ZNF551: variants seen among roughly 807,000 people sequenced by gnomAD.
ZNF551 encodes the protein zinc finger protein 551, also known as KOX 23 protein (56 AA).
Under a neutral mutation model 7.9 loss-of-function variants are expected in ZNF551, and 5 were observed. The ratio of observed to expected loss-of-function variants is 0.63; its 90% CI spans 0.33 to 1.33. The LOEUF (loss-of-function observed/expected upper bound fraction) is 1.33, where lower values mean the gene tolerates loss of function less well. Among genes scored for constraint, ZNF551 ranks in the 40% most tolerant of loss-of-function variants. The pLI, the probability that ZNF551 is intolerant of heterozygous loss-of-function variation, is 0.05. For missense variants in ZNF551, 788 were observed against 825.2 expected (o/e 0.95, Z 0.55); for synonymous variants, 287 against 277.3 (o/e 1.03, Z -0.35).
At chr19:57,683,837 C>A (rs143004540) in intron 1 of ZNF551, among the ~76,000 whole-genome samples, 1 of 152,098 alleles carries the variant, frequency 6.6e-6, no homozygotes, top group Non-Finnish European at 1.5e-5. Context: ...AGGAGTTAGA[C>A]AGGATGATGC....
chr19:57,683,794 G>C (rs1314512734), intron 1 of ZNF551, among the ~76,000 whole-genome samples: 2 of 152,098 alleles, frequency 1.3e-5, no homozygotes, highest in African/African-American at 4.8e-5. Context: ...GGCTTCTCAG[G>C]GGTGAGTAGA....
chr19:57,684,619 C>CA (rs1390621310), intron 1 of ZNF551, among the ~76,000 whole-genome samples: 1 of 152,108 alleles, frequency 6.6e-6, no homozygotes, highest in Non-Finnish European at 1.5e-5. Flanking sequence ...GCATTAGTGT[C>CA]ACCAGGCCCT....
In ZNF551 at chr19:57,685,509, A is replaced by G. The variant is rs1204917367; in HGVS notation, c.205+124A>G. On this transcript the variant is annotated intron_variant, in intron 2 of 2. Coordinates refer to ENST00000282296, the MANE Select transcript of ZNF551 (RefSeq NM_138347.5). ...TTCTTGTCTTCCCCCTGTCAGGATGACTGTGTACAGATTCATGGTACCTTG... is the reference window on the plus strand; with the variant it reads ...TTCTTGTCTTCCCCCTGTCAGGATGGCTGTGTACAGATTCATGGTACCTTG... The G allele has an allele frequency of 1.4e-5, 21 of 1,467,766 alleles. No individual in the cohort carries two copies. In the East Asian group the frequency reaches 4.8e-4, roughly 33 times the overall value. 90.9% of individuals were successfully genotyped at this position (1,467,766 alleles called of 1,614,324 possible).
chr19:57,685,440 C>T (rs775055018), intron 2 of ZNF551, 55 bp downstream of exon 2: 2 of 1,613,026 alleles, frequency 1.2e-6, no homozygotes, highest in Non-Finnish European at 1.7e-6. Flanking sequence ...CCCAGAGTTA[C>T]CTCTGTCTCA....
intron 1 of ZNF551, 25 bp from the exon 2 acceptor site, chr19:57,685,237 G>T: frequency 6.2e-7 from 1 of 1,612,734 alleles, no homozygotes; most frequent in Non-Finnish European, 8.5e-7. Flanking sequence ...TCTGATCGTG[G>T]ATTGAACTAT....
rs937027467 is a variant in ZNF551 at position 57,690,243 on chromosome 19, T to G, written c.*1955T>G. On this transcript the variant is annotated 3_prime_UTR_variant, in exon 3 of 3. Coordinates refer to ENST00000282296, the MANE Select transcript of ZNF551 (RefSeq NM_138347.5). ...CCATCATTACAACCATAAAAATGAATTTGTGTGTCACCCATATATTTACCT... is the reference window on the plus strand; with the variant it reads ...CCATCATTACAACCATAAAAATGAAGTTGTGTGTCACCCATATATTTACCT... 14 of 152,210 alleles carry G rather than the reference T, an allele frequency of 9.2e-5. No individual in the cohort carries two copies. Among genetic ancestry groups the G allele is most frequent in the African/African-American group, 3.1e-4 (13 of 41,440 alleles). 9.4% of individuals were successfully genotyped at this position (152,210 alleles called of 1,614,324 possible).
At position 57,687,580 on chromosome 19, in the gene ZNF551, T is replaced by C; in HGVS notation, c.1305T>C (p.Ile435=). Residue 435 remains isoleucine (I), a synonymous_variant, in exon 3 of 3, where the codon ATT becomes ATC. Transcript: ENST00000282296. ...CTTTTAGCTGCAAATCGGAACTCATTCAACACCAGAGAATTCACAGTGGAG... is the reference window on the plus strand; with the variant it reads ...CTTTTAGCTGCAAATCGGAACTCATCCAACACCAGAGAATTCACAGTGGAG... ...GKSFSCKSEL[I]QHQRIHSGER... 6.2e-7 allele frequency: 1 copy of C among 1,614,218 alleles called. No homozygotes were observed. The highest frequency in any genetic ancestry group is 8.5e-7 in the Non-Finnish European group (1 of 1,180,034).
chr19:57,684,542 C>T (rs76762407), intron 1 of ZNF551, among the ~76,000 whole-genome samples: 5 of 152,214 alleles, frequency 3.3e-5, no homozygotes, highest in African/African-American at 1.2e-4. Context: ...AGCTTAGATA[C>T]TTGCCCACCT....
chr19:57,690,387 ACACACAC>A lies in ZNF551; in HGVS notation c.*2100_*2106del, dbSNP rs1984723491. On this transcript the variant is annotated 3_prime_UTR_variant, in exon 3 of 3. Coordinates refer to ENST00000282296, the MANE Select transcript of ZNF551 (RefSeq NM_138347.5). ...CTGAGATACATACACACACACACAC[ACACACAC>A]ACACACACGTATACGCATATACGTA... The A allele has an allele frequency of 2.0e-5, 3 of 151,862 alleles. No individual in the cohort carries two copies. Among genetic ancestry groups the A allele is most frequent in the African/African-American group, 7.3e-5 (3 of 41,302 alleles). The allele number at this position is 151,862 out of a possible 1,614,324, so 9.4% of individuals were successfully genotyped here.
rs1984573533 is a variant in ZNF551, at chr19:57,686,860, A to G, written c.585A>G (p.Gln195=). The G allele has an allele frequency of 6.2e-7, 1 of 1,614,046 alleles. No individual in the cohort carries two copies. Among genetic ancestry groups the G allele is most frequent in the Non-Finnish European group, 8.5e-7 (1 of 1,180,028 alleles). ...TCCCAGCCCCCACGGACCTACTCCA[A>G]CACGAAGCCACTCCCAGTGGTGAGG... ...EAFPAPTDLL[Q]HEATPSGEEP... Residue 195 remains glutamine, a synonymous_variant, in exon 3 of 3, where the codon CAA becomes CAG. Transcript: ENST00000282296.
chr19:57,682,586 A>G (rs531362049), intron 1 of ZNF551, among the ~76,000 whole-genome samples: 3 of 152,344 alleles, frequency 2.0e-5, no homozygotes, highest in African/African-American at 7.2e-5. Flanking sequence ...AGATAGGGAC[A>G]CTGGGCTAGG....
At position 57,689,361 on chromosome 19, in the gene ZNF551, C is replaced by G. The variant is rs184225573; in HGVS notation, c.*1073C>G. ...TTCAACAGTAATTGGGACAGAAACT[C>G]CAGGTAAATGGGGAGTGGAGAAGAC... On this transcript the variant is annotated 3_prime_UTR_variant, in exon 3 of 3. Transcript: ENST00000282296. 6.6e-6 allele frequency: 1 copy of G among 152,090 alleles called. No individual in the cohort carries two copies. The allele number at this position is 152,090 out of a possible 1,614,324, so 9.4% of individuals were successfully genotyped here. A position where few individuals can be genotyped will look rare whatever the true frequency, so the allele number is the denominator to read the frequency against.
rs149698019 is a variant in ZNF551, at chr19:57,686,364, C to T, written c.206-117C>T. 2.4e-5 allele frequency: 33 copies of T among 1,393,504 alleles called. No individual in the cohort carries two copies. The African/African-American group carries it at 3.2e-4, about 13-fold the overall frequency. 86.3% of individuals were successfully genotyped at this position (1,393,504 alleles called of 1,614,324 possible). On this transcript the variant is annotated intron_variant, in intron 2 of 2. Transcript: ENST00000282296. ...AAACCAGCCTATTCCTCCCCAGTTC[C>T]GTTGTTCTCAGAACAGTTCCATGCA...
intron 2 of ZNF551, 48 bp from the exon 3 acceptor site, chr19:57,686,433 C>T: frequency 6.3e-6 from 10 of 1,580,236 alleles, no homozygotes; most frequent in Non-Finnish European, 8.6e-6. Context: ...CATCTTTCTC[C>T]TTCCATGAAA....
chr19:57,687,960 G>A lies in ZNF551; in HGVS notation c.1685G>A (p.Ser562Asn), dbSNP rs756632002. 6 of 1,614,044 alleles carry A rather than the reference G, an allele frequency of 3.7e-6. No homozygotes were observed. In the East Asian group the frequency reaches 8.9e-5, roughly 24 times the overall value. Residue 562 changes from serine to asparagine, a missense_variant, in exon 3 of 3, where the codon AGT becomes AAT. Ser to Asn is a conservative substitution (Grantham distance 46, BLOSUM62 1). Transcript: ENST00000282296. ...ACTGGAGAAAGGCCTTATGAATGTA[G>A]TGAATGTGGAAAGTCTTTTAGCCAA... Reference protein sequence around the residue: ...LHTGERPYECSECGKSFSQSA... With the variant: ...LHTGERPYECNECGKSFSQSA...
chr19:57,687,691 T>TA lies in ZNF551; in HGVS notation c.1417dup (p.Arg473LysfsTer4). The TA allele has an allele frequency of 6.2e-7, 1 of 1,613,580 alleles. No individual in the cohort carries two copies. Among genetic ancestry groups the TA allele is most frequent in the Non-Finnish European group, 8.5e-7 (1 of 1,179,888 alleles). On this transcript the variant is annotated frameshift_variant, in exon 3 of 3. Transcript: ENST00000282296. LOFTEE classifies it low-confidence loss of function (END_TRUNC). ...GACACCGCAGCATTCACACTGGTGA[T>TA]AGGCCTTATGAGTGCAGTGAATGTG... is the stretch of plus-strand genomic sequence containing the variant.
In ZNF551 at chr19:57,686,965, A is replaced by G; in HGVS notation, c.690A>G (p.Lys230=). 6.2e-7 allele frequency: 1 copy of G among 1,614,216 alleles called. No homozygotes were observed. Among genetic ancestry groups the G allele is most frequent in the South Asian group, 1.1e-5 (1 of 91,086 alleles). The part of the protein sequence containing the change: ...KSYYKWGEYR[K]ASSHKHTLVQ... The stretch of plus-strand genomic sequence containing the variant: ...ATTACAAGTGGGGTGAATACAGAAA[A>G]GCTTCAAGCCACAAACACACACTTG... Residue 230 remains lysine, a synonymous_variant, in exon 3 of 3, where the codon AAA becomes AAG. Coordinates refer to ENST00000282296, the MANE Select transcript of ZNF551 (RefSeq NM_138347.5).
At chr19:57,685,955 A>T (rs1419434957) in intron 2 of ZNF551, among the ~76,000 whole-genome samples, 1 of 152,112 alleles carries the variant, frequency 6.6e-6, no homozygotes, top group Non-Finnish European at 1.5e-5. Flanking sequence ...TCCCTATACA[A>T]TACTGTGCTG....
rs540762264 is a variant in ZNF551 at position 57,690,183 on chromosome 19, G to T, written c.*1895G>T. ...ATAACTGACATGCAACAAAGTACAC[G>T]TATCCAAAGTGTACAGTTTGGTAAA... On this transcript the variant is annotated 3_prime_UTR_variant, in exon 3 of 3. Transcript: ENST00000282296. 2 of 152,072 alleles carry T rather than the reference G, an allele frequency of 1.3e-5. No homozygotes were observed. Among genetic ancestry groups the T allele is most frequent in the African/African-American group, 4.8e-5 (2 of 41,394 alleles). The allele number at this position is 152,072 out of a possible 1,614,324, so 9.4% of individuals were successfully genotyped here.
Sources: allele counts gnomAD v4.1 joint callset (sites outside exome capture counted in the v4.1 genomes callset), GRCh38; gene constraint gnomAD v4.1.1; transcripts MANE v1.5; gene names NCBI Gene and HGNC (gene_info 2026-07-23, HGNC 2026-07-21).